The following ADAM29 variants were observed in gnomAD, a reference collection of about 807,000 sequenced individuals.
ADAM29 encodes the protein ADAM metallopeptidase domain 29, also known as disintegrin and metalloproteinase domain-containing protein 29.
For synonymous variants in ADAM29, 367 were observed against 342.3 expected (o/e 1.07, Z -0.80); for missense variants, 969 against 1,001.8 (o/e 0.97, Z 0.44).
At chr4:174,957,411 C>T (rs1034015068) in intron 4 of ADAM29, among the ~76,000 whole-genome samples, 1 of 151,714 alleles carries the variant, frequency 6.6e-6, no homozygotes, top group East Asian at 1.9e-4. Flanking sequence ...ATAAAATATC[C>T]CCCAAATTTT....
chr4:174,930,298 A>C (rs574028855), intron 2 of ADAM29, among the ~76,000 whole-genome samples: 1 of 152,286 alleles, frequency 6.6e-6, no homozygotes, highest in Admixed American at 6.5e-5. Flanking sequence ...CTAAGTAAGC[A>C]CTCAAAAATA....
chr4:174,952,758 G>C (rs1745261289), intron 4 of ADAM29, among the ~76,000 whole-genome samples: 1 of 152,094 alleles, frequency 6.6e-6, no homozygotes, highest in Admixed American at 6.6e-5. Context: ...TTAGAACTAA[G>C]GAGCAGTGTG....
At position 174,978,094 on chromosome 4, in the gene ADAM29, C is replaced by T. The variant is rs142368196; in HGVS notation, c.*106C>T. On this transcript the variant is annotated 3_prime_UTR_variant, in exon 5 of 5. Transcript: ENST00000359240. Reference sequence around the variant, plus strand: ...GAGTCAACCTCATGTGACACCTTACCGGAGTAAAAGTGGTAAACAAAAGCA... The same window carrying T: ...GAGTCAACCTCATGTGACACCTTACTGGAGTAAAAGTGGTAAACAAAAGCA... 244 of 1,533,936 alleles carry T rather than the reference C, an allele frequency of 1.6e-4. 1 individual carries two copies. In the East Asian group the frequency reaches 2.8e-3, roughly 18 times the overall value.
intron 4 of ADAM29, among the ~76,000 whole-genome samples, chr4:174,968,341 C>T (rs1051688104): frequency 6.6e-5 from 10 of 152,076 alleles, no homozygotes; most frequent in Non-Finnish European, 1.3e-4. Context: ...CAGACTACAT[C>T]GGGGAAGGAT....
At chr4:174,971,398 A>G (rs540937889) in intron 4 of ADAM29, among the ~76,000 whole-genome samples, 1 of 152,030 alleles carries the variant, frequency 6.6e-6, no homozygotes, top group African/African-American at 2.4e-5. Flanking sequence ...GACAGGTAAT[A>G]TACTATTGGT....
At chr4:174,966,313 A>G (rs140947388) in intron 4 of ADAM29, among the ~76,000 whole-genome samples, 2 of 152,196 alleles carry the variant, frequency 1.3e-5, no homozygotes, top group Non-Finnish European at 2.9e-5. Flanking sequence ...TAACAGCCGC[A>G]TGAGCCTTAA....
intron 4 of ADAM29, among the ~76,000 whole-genome samples, chr4:174,956,005 T>C (rs1745476870): frequency 6.6e-6 from 1 of 152,088 alleles, no homozygotes; most frequent in South Asian, 2.1e-4. Flanking sequence ...TTTCCTATTG[T>C]GCTCAGGACA....
In ADAM29 at chr4:174,975,924, T is replaced by A. The variant is rs1463634830; in HGVS notation, c.399T>A (p.Ala133=). 3 of 1,613,812 alleles carry A rather than the reference T, an allele frequency of 1.9e-6. No homozygotes were observed. The African/African-American group carries it at 4.0e-5, about 22-fold the overall frequency. Residue 133 remains alanine (A), a synonymous_variant, in exon 5 of 5, where the codon GCT becomes GCA. Transcript: ENST00000359240. ...FQGILQINDF[A]YEIKPLAFST... ...GAATATTACAGATAAATGACTTTGC[T>A]TATGAAATCAAGCCCCTAGCATTTT...
rs1357018286 is a variant in ADAM29, at chr4:174,976,404, A to G, written c.879A>G (p.Gly293=). The G allele has an allele frequency of 6.3e-7, 1 of 1,598,332 alleles. No individual in the cohort carries two copies. Among genetic ancestry groups the G allele is most frequent in the Non-Finnish European group, 8.5e-7 (1 of 1,173,586 alleles). Reference sequence around the variant, plus strand: ...CCTCACATCTTTTCACAACTCTAGGATTAAGAGGGTTAAGTGGCATAGGAG... The same window carrying G: ...CCTCACATCTTTTCACAACTCTAGGGTTAAGAGGGTTAAGTGGCATAGGAG... ...HDTSHLFTTL[G]LRGLSGIGAF... is the part of the protein sequence containing the mutation. Residue 293 remains glycine (G), a synonymous_variant, in exon 5 of 5, where the codon GGA becomes GGG. Coordinates refer to ENST00000359240, the MANE Select transcript of ADAM29 (RefSeq NM_014269.4).
At chr4:174,955,376 C>T (rs1019041986) in intron 4 of ADAM29, among the ~76,000 whole-genome samples, 1 of 152,010 alleles carries the variant, frequency 6.6e-6, no homozygotes, top group African/African-American at 2.4e-5. Context: ...ACAAAAACCA[C>T]TAGACTCTTT....
intron 2 of ADAM29, among the ~76,000 whole-genome samples, chr4:174,930,754 C>A (rs888287021): frequency 1.3e-5 from 2 of 152,080 alleles, no homozygotes; most frequent in Non-Finnish European, 2.9e-5. Context: ...AGCCCACTAA[C>A]ACTGACAATT....
chr4:174,942,395 G>A (rs766951306), intron 4 of ADAM29, among the ~76,000 whole-genome samples: 2 of 152,130 alleles, frequency 1.3e-5, no homozygotes, highest in African/African-American at 2.4e-5. Context: ...CCTGGACATC[G>A]GGACATTTCC....
chr4:174,922,424 T>G (rs1028965108), intron 2 of ADAM29, among the ~76,000 whole-genome samples: 1 of 152,184 alleles, frequency 6.6e-6, no homozygotes, highest in Non-Finnish European at 1.5e-5. Context: ...GGAGTCTGCT[T>G]ATTTGGAGCA....
At chr4:174,967,829 T>C (rs138507017) in intron 4 of ADAM29, among the ~76,000 whole-genome samples, 90 of 152,284 alleles carry the variant, frequency 5.9e-4, no homozygotes, top group African/African-American at 2.1e-3. Context: ...ACAAAAACAA[T>C]CGCACAAACT....
rs1478698709 is a variant in ADAM29 at position 174,977,876 on chromosome 4, C to T, written c.2351C>T (p.Ser784Phe). The T allele has an allele frequency of 3.2e-6, 5 of 1,586,830 alleles. No individual in the cohort carries two copies. The African/African-American group carries it at 4.2e-5, about 13-fold the overall frequency. ...PSQSQPPVMP[S>F]QSHPQLTPSQ... Reference sequence around the variant, plus strand: ...CAGAGTCAACCTCCTGTGATGCCTTCCCAGAGTCATCCTCAGTTGACGCCT... The same window carrying T: ...CAGAGTCAACCTCCTGTGATGCCTTTCCAGAGTCATCCTCAGTTGACGCCT... The change falls in exon 5 of 5, where the codon TCC becomes TTC. Residue 784 changes from serine (S) to phenylalanine (F), a missense_variant. Physicochemically the swap from Ser to Phe is radical, Grantham distance 155. Transcript: ENST00000359240.
chr4:174,939,953 C>T (rs1744431801), intron 4 of ADAM29, among the ~76,000 whole-genome samples: 1 of 152,024 alleles, frequency 6.6e-6, no homozygotes, highest in Admixed American at 6.6e-5. Flanking sequence ...TCCCTCCCTT[C>T]CTCTCTCCTT....
intron 1 of ADAM29, among the ~76,000 whole-genome samples, chr4:174,918,688 C>T (rs1397658249): frequency 6.6e-6 from 1 of 151,768 alleles, no homozygotes; most frequent in African/African-American, 2.4e-5. Context: ...TAGATGAAAA[C>T]CTAATTGAGA....
At chr4:174,954,241 TC>T (rs1745361896) in intron 4 of ADAM29, among the ~76,000 whole-genome samples, 2 of 152,180 alleles carry the variant, frequency 1.3e-5, no homozygotes, top group African/African-American at 4.8e-5. Flanking sequence ...ATTCTTATAA[TC>T]AGTCCCTTTG....
chr4:174,955,618 C>T (rs1745457937), intron 4 of ADAM29, among the ~76,000 whole-genome samples: 1 of 151,592 alleles, frequency 6.6e-6, no homozygotes, highest in African/African-American at 2.4e-5. Context: ...TATAAGATCT[C>T]AAAATTTGTT....
Sources: allele counts gnomAD v4.1 joint callset (sites outside exome capture counted in the v4.1 genomes callset), GRCh38; gene constraint gnomAD v4.1.1; transcripts MANE v1.5; gene names NCBI Gene and HGNC (gene_info 2026-07-23, HGNC 2026-07-21).